The following PCDHA4 variants were observed in gnomAD, a reference collection of about 807,000 sequenced individuals.
The protein encoded by PCDHA4 is protocadherin alpha-4.
PCDHA4 carries 49 observed loss-of-function variants against 61.4 expected under a neutral mutation model. That is an observed-to-expected ratio of 0.80 (90% confidence interval 0.63 to 1.01). The LOEUF is 1.01. Ranked by LOEUF, PCDHA4 falls within the 50% of genes least tolerant of loss-of-function variation. PCDHA4 has a pLI of 0.00. For missense variants in PCDHA4, 1,254 were observed against 1,235.8 expected (o/e 1.01, Z -0.22); for synonymous variants, 590 against 550.3 (o/e 1.07, Z -1.01).
At chr5:140,928,194 A>G in intron 1 of PCDHA4, 2 of 1,614,204 alleles carry the variant, frequency 1.2e-6, no homozygotes, top group East Asian at 2.2e-5. Context: ...TCACTGTGTC[A>G]GTTGCTGATG....
chr5:140,869,429 T>C lies in PCDHA4; in HGVS notation c.2385+59857T>C, dbSNP rs1006497068. ...GAGTGCAGCATCCACCTGGAGGTGA[T>C]CGTGGACAGGCCGCTGCAGGTTTTC... is the stretch of plus-strand genomic sequence containing the variant. On this transcript the variant is annotated intron_variant, in intron 1 of 3. Coordinates refer to ENST00000530339, the MANE Select transcript of PCDHA4 (RefSeq NM_018907.4). The C allele has an allele frequency of 2.2e-5, 35 of 1,614,074 alleles. No homozygotes were observed. The highest frequency in any genetic ancestry group is 3.0e-5 in the Non-Finnish European group (35 of 1,180,048).
chr5:140,990,332 T>C (rs1458187543), intron 3 of PCDHA4, among the ~76,000 whole-genome samples: 1 of 152,100 alleles, frequency 6.6e-6, no homozygotes, highest in Non-Finnish European at 1.5e-5. Flanking sequence ...ACTTTAAAAA[T>C]AAGTAAAGCC....
chr5:140,882,462 G>C (rs1487611246), intron 1 of PCDHA4: 1 of 1,613,916 alleles, frequency 6.2e-7, no homozygotes, highest in Non-Finnish European at 8.5e-7. Context: ...CGCCTGTTCC[G>C]GGTGGCGTCC....
At chr5:140,898,150 G>A (rs373714901) in intron 1 of PCDHA4, among the ~76,000 whole-genome samples, 6 of 152,198 alleles carry the variant, frequency 3.9e-5, no homozygotes, top group African/African-American at 9.6e-5. Flanking sequence ...GCCTGTTCAC[G>A]CTGATGGTGG....
intron 1 of PCDHA4, chr5:140,883,607 G>A (rs782736793): frequency 6.2e-7 from 1 of 1,613,968 alleles, no homozygotes; most frequent in Non-Finnish European, 8.5e-7. Context: ...GGGGGTGGCC[G>A]ACGTGAACGA....
chr5:140,946,405 T>C (rs1554217546), intron 1 of PCDHA4, among the ~76,000 whole-genome samples: 1 of 151,592 alleles, frequency 6.6e-6, no homozygotes, highest in South Asian at 2.1e-4. Context: ...AGTACAATCA[T>C]AGAAAACAAT....
At chr5:140,965,639 C>G (rs781995485) in intron 1 of PCDHA4, among the ~76,000 whole-genome samples, 1 of 152,000 alleles carries the variant, frequency 6.6e-6, no homozygotes, top group Non-Finnish European at 1.5e-5. Flanking sequence ...TTTTAAATTA[C>G]TCTTGAAAGA....
intron 3 of PCDHA4, among the ~76,000 whole-genome samples, chr5:141,008,031 T>C (rs566619568): frequency 1.3e-5 from 2 of 152,336 alleles, no homozygotes; most frequent in Admixed American, 6.5e-5. Flanking sequence ...TTCTTGTTAA[T>C]CTGCCTTTTG....
intron 3 of PCDHA4, among the ~76,000 whole-genome samples, chr5:140,985,145 G>A (rs2097138679): frequency 6.6e-6 from 1 of 152,080 alleles, no homozygotes; most frequent in South Asian, 2.1e-4. Context: ...CACCGTGTTA[G>A]CCAGGATTGT....
intron 1 of PCDHA4, chr5:140,929,130 A>C (rs1554206719): frequency 1.2e-6 from 2 of 1,614,168 alleles, no homozygotes; most frequent in Non-Finnish European, 1.7e-6. Flanking sequence ...ATGTCACTAC[A>C]GTTGAGAGAC....
chr5:140,828,120 G>T, intron 1 of PCDHA4: 1 of 1,612,792 alleles, frequency 6.2e-7, no homozygotes. Context: ...GATAGATTGG[G>T]AAAGCAATGT....
At chr5:140,870,751 C>T in intron 1 of PCDHA4, 3 of 1,613,546 alleles carry the variant, frequency 1.9e-6, no homozygotes, top group Non-Finnish European at 2.5e-6. Context: ...CAACGTGACG[C>T]TGCAGGTGTT....
intron 1 of PCDHA4, among the ~76,000 whole-genome samples, chr5:140,911,441 T>C (rs2075476385): frequency 6.6e-6 from 1 of 152,154 alleles, no homozygotes. Context: ...TTTCCCGCAA[T>C]TTCAGCTCTT....
chr5:141,006,937 A>G (rs1341234151), intron 3 of PCDHA4, among the ~76,000 whole-genome samples: 1 of 152,206 alleles, frequency 6.6e-6, no homozygotes, highest in Non-Finnish European at 1.5e-5. Context: ...AACTGGGGAT[A>G]CCAGATAGGC....
At chr5:140,994,636 T>C (rs1243732393) in intron 3 of PCDHA4, among the ~76,000 whole-genome samples, 1 of 151,996 alleles carries the variant, frequency 6.6e-6, no homozygotes, top group Admixed American at 6.6e-5. Flanking sequence ...ACCTGGAAGG[T>C]GGAGGTTGCA....
intron 1 of PCDHA4, chr5:140,866,368 T>C (rs1172516799): frequency 6.6e-6 from 1 of 152,138 alleles, no homozygotes; most frequent in Non-Finnish European, 1.5e-5. Flanking sequence ...TATTGCATAC[T>C]TCAATAACAA....
chr5:140,926,921 G>A (rs1554203799), intron 1 of PCDHA4: 3 of 1,571,110 alleles, frequency 1.9e-6, no homozygotes, highest in African/African-American at 2.7e-5. Flanking sequence ...GCAGTTTTAT[G>A]TTTGTGGGTT....
chr5:140,999,764 T>G (rs1587850651), intron 3 of PCDHA4, among the ~76,000 whole-genome samples: 1 of 152,284 alleles, frequency 6.6e-6, no homozygotes, highest in East Asian at 1.9e-4. Flanking sequence ...CATGATGTCT[T>G]TATACTCTTA....
chr5:141,007,366 CATG>C (rs1319534619), intron 3 of PCDHA4, among the ~76,000 whole-genome samples: 13 of 118,904 alleles, frequency 1.1e-4, no homozygotes, highest in Admixed American at 7.7e-4. Flanking sequence ...GCCTGGGCAA[CATG>C]ATGGAACACC....
Sources: gnomAD v4.1 joint callset for allele counts (sites outside exome capture counted in the v4.1 genomes callset) on GRCh38, gnomAD v4.1.1 for gene constraint, MANE v1.5 for transcripts, NCBI Gene and HGNC (gene_info 2026-07-23, HGNC 2026-07-21) for gene names.